CSMD2: variants seen among roughly 807,000 people sequenced by gnomAD.
CSMD2 encodes the protein CUB and Sushi multiple domains 2.
In CSMD2, 130 loss-of-function variants were observed where a neutral mutation model predicts 398.5. The observed-to-expected ratio is 0.33, with a 90% confidence interval of 0.28 to 0.38. The LOEUF is 0.38. Among genes scored for constraint, CSMD2 ranks in the 10% least tolerant of loss-of-function variants. CSMD2 has a pLI of 1.00. For missense variants in CSMD2, 3,829 were observed against 4,764.9 expected (o/e 0.80, Z 5.78); for synonymous variants, 1,828 against 1,908.5 (o/e 0.96, Z 1.10).
intron 13 of CSMD2, among the ~76,000 whole-genome samples, chr1:33,763,861 G>T (rs915614162): frequency 2.6e-5 from 4 of 152,064 alleles, no homozygotes; most frequent in Non-Finnish European, 4.4e-5. Flanking sequence ...ATACATATAG[G>T]CCCACTCAGT....
intron 47 of CSMD2, among the ~76,000 whole-genome samples, chr1:33,581,105 C>T (rs928159638): frequency 6.9e-6 from 1 of 144,264 alleles, no homozygotes; most frequent in Non-Finnish European, 1.5e-5. Context: ...CTAGGAAGTC[C>T]CTGCCTACCT....
chr1:33,972,580 G>A (rs940433550), intron 3 of CSMD2, among the ~76,000 whole-genome samples: 9 of 152,264 alleles, frequency 5.9e-5, no homozygotes, highest in East Asian at 1.9e-4. Flanking sequence ...AGCTGTGACC[G>A]TGGAAGTAGG....
At chr1:34,052,470 G>A (rs907393390) in intron 2 of CSMD2, among the ~76,000 whole-genome samples, 3 of 147,400 alleles carry the variant, frequency 2.0e-5, no homozygotes, top group African/African-American at 5.1e-5. Flanking sequence ...GGGGGGGGTC[G>A]AGAAATCAAT....
chr1:33,846,126 A>G (rs1661330821), intron 6 of CSMD2, among the ~76,000 whole-genome samples: 1 of 152,232 alleles, frequency 6.6e-6, no homozygotes, highest in Admixed American at 6.5e-5. Flanking sequence ...ATCCGCTCCC[A>G]TCTATCAGCT....
intron 19 of CSMD2, 86 bp downstream of exon 19, chr1:33,724,111 A>G (rs1467094936): frequency 3.4e-6 from 3 of 873,980 alleles, no homozygotes; most frequent in Non-Finnish European, 3.9e-6. Flanking sequence ...ATCTAGGGAG[A>G]TCCCCATTGA....
Position 33,624,935 on chromosome 1 carries a change from G to A in CSMD2, c.5500+116C>T. ...CTGGGACACCCCACCTCAGCCATGCGGTGGGAAGCGGCTGCTGTGTGTCGT... is the reference window on the plus strand; with the variant it reads ...CTGGGACACCCCACCTCAGCCATGCAGTGGGAAGCGGCTGCTGTGTGTCGT... On this transcript the variant is annotated intron_variant, in intron 34 of 70. Coordinates refer to ENST00000373381, the MANE Select transcript of CSMD2 (RefSeq NM_001281956.2). The surrounding 1 kb of genome is among the most constrained non-coding windows in gnomAD (Gnocchi z 4.7). 8.2e-6 allele frequency: 9 copies of A among 1,096,796 alleles called. No homozygotes were observed. The highest frequency in any genetic ancestry group is 2.5e-5 in the East Asian group (1 of 40,204). 67.9% of individuals were successfully genotyped at this position (1,096,796 alleles called of 1,614,324 possible). A position where few individuals can be genotyped will look rare whatever the true frequency, so the allele number is the denominator to read the frequency against.
At chr1:34,017,749 C>T (rs998603714) in intron 3 of CSMD2, among the ~76,000 whole-genome samples, 8 of 152,052 alleles carry the variant, frequency 5.3e-5, no homozygotes, top group South Asian at 2.1e-4. Flanking sequence ...GCCTTATCTC[C>T]GTAAAACAAA....
At chr1:33,790,848 C>A (rs889563850) in intron 11 of CSMD2, among the ~76,000 whole-genome samples, 1 of 144,558 alleles carries the variant, frequency 6.9e-6, no homozygotes, top group Non-Finnish European at 1.5e-5. Context: ...TATCTATCAT[C>A]TATCTATCTA....
intron 62 of CSMD2, among the ~76,000 whole-genome samples, chr1:33,534,737 T>C (rs900385171): frequency 2.0e-5 from 3 of 152,248 alleles, no homozygotes; most frequent in Admixed American, 6.5e-5. Flanking sequence ...TGAACACTTT[T>C]TTGTCTTGGA....
intron 29 of CSMD2, among the ~76,000 whole-genome samples, chr1:33,640,335 T>C (rs1014118933): frequency 1.3e-5 from 2 of 151,992 alleles, no homozygotes; most frequent in Non-Finnish European, 2.9e-5. Flanking sequence ...TGGGAAGGAG[T>C]CCAAGATCTA....
intron 25 of CSMD2, among the ~76,000 whole-genome samples, chr1:33,690,896 A>G (rs1319076112): frequency 1.3e-5 from 2 of 152,184 alleles, no homozygotes; most frequent in Non-Finnish European, 2.9e-5. Flanking sequence ...TAAAGGAGAA[A>G]AGTGGTCAGT....
chr1:33,969,736 G>GATGAATGA (rs1243160630), intron 3 of CSMD2, among the ~76,000 whole-genome samples: 1 of 151,996 alleles, frequency 6.6e-6, no homozygotes, highest in East Asian at 1.9e-4. Context: ...TGGCTCCTTA[G>GATGAATGA]ATGAATGAAT....
At chr1:33,671,534 C>T (rs1456943345) in intron 25 of CSMD2, among the ~76,000 whole-genome samples, 1 of 148,852 alleles carries the variant, frequency 6.7e-6, no homozygotes, top group Non-Finnish European at 1.5e-5. Flanking sequence ...TCTGAGATCT[C>T]CACATGCCTT....
At chr1:33,655,057 C>T (rs1199115528) in intron 27 of CSMD2, among the ~76,000 whole-genome samples, 1 of 152,242 alleles carries the variant, frequency 6.6e-6, no homozygotes, top group East Asian at 1.9e-4. Context: ...GCCTCGCCAA[C>T]AGGAAGGCTC....
intron 12 of CSMD2, among the ~76,000 whole-genome samples, chr1:33,775,208 T>C (rs1050841651): frequency 1.8e-4 from 28 of 152,298 alleles, no homozygotes; most frequent in African/African-American, 6.5e-4. Context: ...CAATTCACAA[T>C]GAAGAAAAAT....
chr1:34,120,252 ACT>A (rs777882019), intron 1 of CSMD2, among the ~76,000 whole-genome samples: 1 of 152,138 alleles, frequency 6.6e-6, no homozygotes, highest in East Asian at 1.9e-4. Flanking sequence ...TTTAAAATAG[ACT>A]CTCAGAAACA....
Position 33,577,414 on chromosome 1 carries a change from C to G in CSMD2, c.7458G>C (p.Gly2486=). ...FILGQTSTQP[G]GSIHFGCNAG... ...CGTTGCAGCCAAAGTGGATGGAGCC[C>G]CCGGGCTGGGTGCTGGTCTGGCCTA... is the stretch of plus-strand genomic sequence containing the variant. Residue 2486 remains glycine (G), a synonymous_variant, in exon 49 of 71, where the codon GGG becomes GGC. Transcript: ENST00000373381. 6.2e-7 allele frequency: 1 copy of G among 1,614,126 alleles called. No individual in the cohort carries two copies. Among genetic ancestry groups the G allele is most frequent in the Non-Finnish European group, 8.5e-7 (1 of 1,180,018 alleles).
chr1:33,674,510 G>C (rs1039708780), intron 25 of CSMD2, among the ~76,000 whole-genome samples: 7 of 152,220 alleles, frequency 4.6e-5, no homozygotes, highest in African/African-American at 1.7e-4. Flanking sequence ...ATAATAATGG[G>C]AGACTTTAAC....
intron 51 of CSMD2, among the ~76,000 whole-genome samples, chr1:33,570,806 G>A (rs1335759605): frequency 6.6e-6 from 1 of 152,140 alleles, no homozygotes; most frequent in African/African-American, 2.4e-5. Flanking sequence ...CAGTATAACA[G>A]TTCCCTTGCT....
Sources: allele counts gnomAD v4.1 joint callset (sites outside exome capture counted in the v4.1 genomes callset), GRCh38; gene constraint gnomAD v4.1.1; non-coding constraint Gnocchi (gnomAD v3.1); transcripts MANE v1.5; gene names NCBI Gene and HGNC (gene_info 2026-07-23, HGNC 2026-07-21).